The following AGXT2 variants were observed in gnomAD, a reference collection of about 807,000 sequenced individuals.
AGXT2 encodes the protein alanine--glyoxylate aminotransferase 2.
Under a neutral mutation model 62.5 loss-of-function variants are expected in AGXT2, and 61 were observed. The observed-to-expected ratio is 0.98, with a 90% CI of 0.79 to 1.21. The LOEUF (loss-of-function observed/expected upper bound fraction) is 1.21, where lower values mean the gene tolerates loss of function less well. Ranked by LOEUF, AGXT2 falls within the 50% of genes most tolerant of loss-of-function variation. The probability of loss-of-function intolerance (pLI) is 0.00; values close to 1 mark genes in which losing one functional copy is unlikely to be tolerated. For synonymous variants in AGXT2, 243 were observed against 218.7 expected, an observed-to-expected ratio of 1.11 and a Z score of -0.98; for missense variants, 666 against 641.5, an observed-to-expected ratio of 1.04 and a Z score of -0.41.
chr5:35,022,656 T>C (rs1229192165), intron 9 of AGXT2, among the ~76,000 whole-genome samples: 2 of 150,186 alleles, frequency 1.3e-5, no homozygotes, highest in Non-Finnish European at 2.9e-5. Flanking sequence ...CGCACCAGCA[T>C]GGCACATGTA....
At chr5:35,021,649 G>A (rs1429023053) in intron 9 of AGXT2, among the ~76,000 whole-genome samples, 1 of 152,074 alleles carries the variant, frequency 6.6e-6, no homozygotes, top group Non-Finnish European at 1.5e-5. Flanking sequence ...TTACCATTCA[G>A]GACACAGGCA....
At chr5:35,025,043 G>A (rs188612612) in intron 9 of AGXT2, among the ~76,000 whole-genome samples, 13 of 152,204 alleles carry the variant, frequency 8.5e-5, no homozygotes, top group African/African-American at 3.1e-4. Flanking sequence ...TATGCTGCCA[G>A]GTTGGTAAAT....
Position 35,008,785 on chromosome 5 carries a change from T to C in AGXT2, c.1338+1215A>G, listed in dbSNP as rs570085875. Among the ~76,000 whole-genome samples, 6 of 152,258 alleles carry C rather than the reference T, an allele frequency of 3.9e-5. No individual in the cohort carries two copies. The South Asian group carries it at 1.2e-3, about 32-fold the overall frequency. ...AAATTGAGCATCAATCCTTCTAAAG[T>C]AGAATGGTGGTAAAACCAAAGAGGT... On this transcript the variant is annotated intron_variant, in intron 12 of 13. Transcript: ENST00000231420.
intron 1 of AGXT2, 61 bp downstream of exon 1, chr5:35,047,744 G>A (rs1448642037): frequency 4.4e-6 from 7 of 1,592,116 alleles, no homozygotes; most frequent in South Asian, 1.1e-5. Flanking sequence ...AGCCTTCGGA[G>A]CTCAAGTCTT....
In AGXT2 at chr5:35,033,473, G is replaced by T; in HGVS notation, c.662C>A (p.Thr221Lys). The T allele has an allele frequency of 1.2e-6, 2 of 1,612,856 alleles. No homozygotes were observed. Among genetic ancestry groups the T allele is most frequent in the Non-Finnish European group, 1.7e-6 (2 of 1,178,892 alleles). ...CTCCAAACTCACTGGTTGGCAACCT[G>T]TCCCACCAGGGAGTTCCATCTTGTA... ...GTYKMELPGG[T>K]GCQPTMCPDV... Residue 221 changes from threonine (T) to lysine (K), a missense_variant, in exon 6 of 14, where the codon ACA (threonine) becomes AAA (lysine). Transcript: ENST00000231420.
chr5:35,028,589 GAGAGA>G, intron 7 of AGXT2, among the ~76,000 whole-genome samples: 1 of 149,640 alleles, frequency 6.7e-6, no homozygotes, highest in Non-Finnish European at 1.5e-5. Flanking sequence ...GAGAGAGAGA[GAGAGA>G]GAGAGAGAGA....
At chr5:35,041,331 T>A (rs1004397229) in intron 1 of AGXT2, among the ~76,000 whole-genome samples, 3 of 149,702 alleles carry the variant, frequency 2.0e-5, no homozygotes, top group Admixed American at 1.3e-4. Flanking sequence ...TACATTTGTG[T>A]GTGTGTGTGT....
intron 7 of AGXT2, among the ~76,000 whole-genome samples, chr5:35,031,232 C>T (rs897470045): frequency 2.0e-5 from 3 of 152,168 alleles, no homozygotes; most frequent in Non-Finnish European, 4.4e-5. Context: ...CAGTCTCCTC[C>T]ATGTGAAACT....
chr5:35,023,861 A>ATATTTATTTATT (rs72046873), intron 9 of AGXT2, among the ~76,000 whole-genome samples: 5 of 144,056 alleles, frequency 3.5e-5, no homozygotes, highest in South Asian at 4.6e-4. Context: ...GCTGTAGGGA[A>ATATTTATTTATT]TATTTATTTA....
chr5:35,022,031 C>T (rs1335593287), intron 9 of AGXT2, among the ~76,000 whole-genome samples: 1 of 152,126 alleles, frequency 6.6e-6, no homozygotes, highest in African/African-American at 2.4e-5. Flanking sequence ...GAGATACCAT[C>T]TCACACCAGT....
chr5:35,019,484 T>C (rs1766982781), intron 9 of AGXT2, among the ~76,000 whole-genome samples: 1 of 151,648 alleles, frequency 6.6e-6, no homozygotes, highest in African/African-American at 2.4e-5. Flanking sequence ...ACTGGGTACA[T>C]AACGAAATGA....
rs770864442 is a variant in AGXT2 at position 35,032,667 on chromosome 5, C to T, written c.769+65G>A. On this transcript the variant is annotated intron_variant, in intron 7 of 13. Transcript: ENST00000231420. ...TTCAATTGTTCCCTCAGGGATGGGT[C>T]TGCCTTTATTCGTGTCCCTTCCAAC... 7.2e-5 allele frequency: 98 copies of T among 1,370,468 alleles called. 1 individual carries two copies. Among genetic ancestry groups the T allele is most frequent in the Non-Finnish European group, 9.5e-5 (93 of 980,264 alleles). The allele number at this position is 1,370,468 out of a possible 1,614,324, so 84.9% of individuals were successfully genotyped here.
chr5:35,028,166 G>A (rs900591909), intron 7 of AGXT2, among the ~76,000 whole-genome samples: 1 of 151,920 alleles, frequency 6.6e-6, no homozygotes, highest in Non-Finnish European at 1.5e-5. Flanking sequence ...GGGCTGCAGT[G>A]CCGTAATGAT....
intron 1 of AGXT2, among the ~76,000 whole-genome samples, chr5:35,047,415 C>A (rs1259958655): frequency 1.3e-5 from 2 of 152,112 alleles, no homozygotes; most frequent in South Asian, 2.1e-4. Flanking sequence ...TGTACTCCAA[C>A]CTAGGTGACA....
intron 9 of AGXT2, among the ~76,000 whole-genome samples, chr5:35,014,962 C>T (rs1233738963): frequency 6.6e-6 from 1 of 152,108 alleles, no homozygotes; most frequent in Non-Finnish European, 1.5e-5. Flanking sequence ...AGGACCCAGA[C>T]GAGGCAGTTA....
intron 1 of AGXT2, among the ~76,000 whole-genome samples, chr5:35,046,796 C>T (rs138905802): frequency 1.8e-4 from 27 of 152,254 alleles, no homozygotes; most frequent in South Asian, 4.1e-4. Flanking sequence ...TACCTGTTTA[C>T]GGCCCGTGAA....
chr5:35,014,067 T>A lies in AGXT2; in HGVS notation c.1016A>T (p.His339Leu). The A allele has an allele frequency of 6.2e-7, 1 of 1,614,162 alleles. No homozygotes were observed. The change falls in exon 10 of 14, where the codon CAC becomes CTC. Residue 339 changes from histidine (H) to leucine (L), a missense_variant. Coordinates refer to ENST00000231420, the MANE Select transcript of AGXT2 (RefSeq NM_031900.4). ...LGSHFWGFQT[H>L]DVLPDIVTMA... ...GGTGACAATGTCAGGCAGGACATCG[T>A]GGGTTTGGAAGCCCCAGAAGTGAGA...
At chr5:35,040,836 T>C (rs1489182113) in intron 1 of AGXT2, among the ~76,000 whole-genome samples, 173 bp from the exon 2 acceptor site, 3 of 152,130 alleles carry the variant, frequency 2.0e-5, no homozygotes, top group African/African-American at 4.8e-5. Flanking sequence ...ATAATGAGTT[T>C]TCTGGAGGAA....
intron 11 of AGXT2, chr5:35,012,371 A>C (rs911315980): frequency 6.5e-6 from 1 of 154,248 alleles, no homozygotes; most frequent in African/African-American, 2.4e-5. Flanking sequence ...CACAAAAAAA[A>C]CCATCATTTA....
Sources: allele counts gnomAD v4.1 joint callset (sites outside exome capture counted in the v4.1 genomes callset), GRCh38; gene constraint gnomAD v4.1.1; transcripts MANE v1.5; gene names NCBI Gene and HGNC (gene_info 2026-07-23, HGNC 2026-07-21).